The following GRIP1 variants were observed in gnomAD, a reference collection of about 807,000 sequenced individuals.
GRIP1 encodes the protein glutamate receptor interacting protein 1, also known as glutamate receptor-interacting protein 1.
Under a neutral mutation model 129.9 loss-of-function variants are expected in GRIP1, and 45 were observed. The observed-to-expected ratio is 0.35, with a 90% confidence interval of 0.27 to 0.44. GRIP1 has a LOEUF of 0.44. Ranked by LOEUF, GRIP1 falls within the 20% of genes least tolerant of loss-of-function variation. GRIP1 has a pLI of 1.00. For missense variants in GRIP1, 1,196 were observed against 1,396.8 expected, an observed-to-expected ratio of 0.86 and a Z score of 2.29; for synonymous variants, 530 against 520.8, an observed-to-expected ratio of 1.02 and a Z score of -0.24.
chr12:66,361,946 A>C (rs774816653), intron 23 of GRIP1, among the ~76,000 whole-genome samples: 1 of 152,036 alleles, frequency 6.6e-6, no homozygotes, highest in South Asian at 2.1e-4. Context: ...GCACACTGTC[A>C]TTCAGAAAGG....
At chr12:66,852,584 A>G (rs1367846308) in intron 1 of GRIP1, among the ~76,000 whole-genome samples, 1 of 150,682 alleles carries the variant, frequency 6.6e-6, no homozygotes, top group Non-Finnish European at 1.5e-5. Flanking sequence ...AGGTATATGT[A>G]TATATGTATA....
At chr12:66,823,322 G>A (rs2136991990) in intron 1 of GRIP1, among the ~76,000 whole-genome samples, 2 of 152,166 alleles carry the variant, frequency 1.3e-5, no homozygotes, top group South Asian at 4.2e-4. Context: ...GGTACATGTT[G>A]GTAATGGTTC....
chr12:66,811,783 T>C (rs2039109652), intron 1 of GRIP1, among the ~76,000 whole-genome samples: 3 of 152,224 alleles, frequency 2.0e-5, no homozygotes, highest in Admixed American at 6.5e-5. Context: ...ACCCAAGTAC[T>C]GAATTTCTAA....
chr12:66,473,461 C>A (rs2059505528), intron 7 of GRIP1, among the ~76,000 whole-genome samples: 2 of 152,226 alleles, frequency 1.3e-5, no homozygotes, highest in South Asian at 4.1e-4. Flanking sequence ...TCTCCCAGCA[C>A]AGTGCTTCAG....
intron 24 of GRIP1, among the ~76,000 whole-genome samples, chr12:66,352,710 G>GAGACAGAGTGAT (rs1373878624): frequency 7.2e-6 from 1 of 139,220 alleles, no homozygotes; most frequent in African/African-American, 2.9e-5. Flanking sequence ...TCCAGCCTGA[G>GAGACAGAGTGAT]ACTCTGTCTC....
intron 1 of GRIP1, among the ~76,000 whole-genome samples, chr12:66,621,534 T>C (rs576010383): frequency 1.3e-5 from 2 of 152,304 alleles, no homozygotes; most frequent in Middle Eastern, 6.8e-3. Flanking sequence ...CTTTTGGCTA[T>C]TGTGAATAAT....
At chr12:66,741,122 C>T (rs1319331137) in intron 1 of GRIP1, among the ~76,000 whole-genome samples, 3 of 152,178 alleles carry the variant, frequency 2.0e-5, no homozygotes, top group African/African-American at 7.2e-5. Flanking sequence ...GAAGATGCAA[C>T]ATCTACTCCT....
chr12:67,068,574 G>C (rs2043672405), intron 1 of GRIP1, among the ~76,000 whole-genome samples: 1 of 152,044 alleles, frequency 6.6e-6, no homozygotes, highest in Non-Finnish European at 1.5e-5. Context: ...CTTTGGGTTG[G>C]CAATGCCGTC....
chr12:66,481,116 G>T (rs1346342402), intron 7 of GRIP1, among the ~76,000 whole-genome samples: 2 of 151,762 alleles, frequency 1.3e-5, no homozygotes, highest in African/African-American at 4.8e-5. Context: ...TTAAACTAAA[G>T]AGCTTCTGTG....
intron 1 of GRIP1, among the ~76,000 whole-genome samples, chr12:66,896,063 T>C (rs1488550204): frequency 4.6e-5 from 7 of 152,160 alleles, no homozygotes; most frequent in Admixed American, 4.6e-4. Context: ...AATAAGGAGT[T>C]GCCAGCTAGA....
chr12:66,386,218 C>T (rs2056350561), intron 19 of GRIP1, among the ~76,000 whole-genome samples: 2 of 152,034 alleles, frequency 1.3e-5, no homozygotes. Flanking sequence ...TCTAACATTC[C>T]AACCTTGTAA....
intron 1 of GRIP1, among the ~76,000 whole-genome samples, chr12:66,915,798 A>G (rs1367890333): frequency 6.6e-6 from 1 of 152,244 alleles, no homozygotes; most frequent in Non-Finnish European, 1.5e-5. Flanking sequence ...AGTGACAGCC[A>G]GACACTGAGT....
intron 2 of GRIP1, among the ~76,000 whole-genome samples, chr12:66,577,735 A>G (rs1271260604): frequency 6.6e-6 from 1 of 152,136 alleles, no homozygotes; most frequent in Non-Finnish European, 1.5e-5. Flanking sequence ...GGATTGCTTG[A>G]GCCCAGGAAT....
chr12:66,780,061 G>A (rs2038106217), intron 1 of GRIP1, among the ~76,000 whole-genome samples: 2 of 152,262 alleles, frequency 1.3e-5, no homozygotes, highest in South Asian at 4.1e-4. Flanking sequence ...TAAGATGTTG[G>A]TGGTAGTGGC....
At chr12:66,596,705 T>G (rs7976984) in intron 2 of GRIP1, 142 bp downstream of exon 2, 109,797 of 668,978 alleles carry the variant, frequency 0.16, 10,803 homozygotes, top group African/African-American at 0.37. Flanking sequence ...TGAACAAGTG[T>G]TGTAGAATTC....
At chr12:66,710,397 C>G (rs759125940) in intron 1 of GRIP1, among the ~76,000 whole-genome samples, 1 of 151,926 alleles carries the variant, frequency 6.6e-6, no homozygotes, top group Non-Finnish European at 1.5e-5. Flanking sequence ...TATGGTTATC[C>G]TTTTTATGGG....
chr12:66,372,316 G>T, intron 22 of GRIP1: 1 of 305,802 alleles, frequency 3.3e-6, no homozygotes, highest in Non-Finnish European at 6.3e-6. Flanking sequence ...TTACAGAAAC[G>T]AATTAAGAAC....
intron 1 of GRIP1, among the ~76,000 whole-genome samples, chr12:66,845,512 C>T (rs1226600492): frequency 1.3e-5 from 2 of 152,088 alleles, no homozygotes; most frequent in African/African-American, 2.4e-5. Flanking sequence ...TACATGCTTT[C>T]TGGTATTAAT....
intron 1 of GRIP1, among the ~76,000 whole-genome samples, chr12:66,999,375 G>A (rs1256950879): frequency 6.6e-6 from 1 of 152,128 alleles, no homozygotes; most frequent in Non-Finnish European, 1.5e-5. Context: ...AGAAAACCCT[G>A]GTGGTAGAGT....
Sources: gnomAD v4.1 joint callset for allele counts (sites outside exome capture counted in the v4.1 genomes callset) on GRCh38, gnomAD v4.1.1 for gene constraint, MANE v1.5 for transcripts, NCBI Gene and HGNC (gene_info 2026-07-23, HGNC 2026-07-21) for gene names.